NOL4: variants seen among roughly 807,000 people sequenced by gnomAD.
The protein encoded by NOL4 is nucleolar protein 4.
A neutral mutation model predicts 75.9 loss-of-function variants in NOL4; 17 were observed. That is an observed-to-expected ratio of 0.22 (90% CI 0.15 to 0.34). NOL4 has a LOEUF of 0.34. Among genes scored for constraint, NOL4 ranks in the 10% least tolerant of loss-of-function variants. NOL4 has a pLI of 1.00. For missense variants in NOL4, 614 were observed against 793.5 expected, an observed-to-expected ratio of 0.77 and a Z score of 2.72; for synonymous variants, 292 against 289.9, an observed-to-expected ratio of 1.01 and a Z score of -0.07.
At chr18:33,857,007 T>C (rs1043350423) in intron 10 of NOL4, among the ~76,000 whole-genome samples, 1 of 152,056 alleles carries the variant, frequency 6.6e-6, no homozygotes, top group Non-Finnish European at 1.5e-5. Context: ...AAAATGTCTT[T>C]TTATAAATTT....
At chr18:34,024,614 C>T (rs766286280) in intron 5 of NOL4, among the ~76,000 whole-genome samples, 23 of 151,980 alleles carry the variant, frequency 1.5e-4, no homozygotes, top group Non-Finnish European at 3.1e-4. Flanking sequence ...CTAGGCCATA[C>T]CTTAAATCTT....
Position 34,186,376 on chromosome 18 carries a change from A to G in NOL4, c.264+36614T>C, listed in dbSNP as rs150221774. Among the ~76,000 whole-genome samples the G allele has an allele frequency of 1.6e-3, 240 of 152,326 alleles. 1 individual carries two copies. The highest frequency in any genetic ancestry group is 5.5e-3 in the African/African-American group (228 of 41,582). ...TAGGACCCTGTGTAATTACTAAAGT[A>G]TAATGTAATACAATTTAGAACTAGG... On this transcript the variant is annotated intron_variant, in intron 1 of 10. Coordinates refer to ENST00000261592, the MANE Select transcript of NOL4 (RefSeq NM_003787.5).
At position 34,061,653 on chromosome 18, in the gene NOL4, CTGGTGGAGTAATAACTCCTAAA is replaced by C. The variant is rs568752566; in HGVS notation, c.772+31790_772+31811del. On this transcript the variant is annotated intron_variant, in intron 5 of 10. Coordinates refer to ENST00000261592, the MANE Select transcript of NOL4 (RefSeq NM_003787.5). ...CCTTGTTGTTTTCATTAATTCCACACTGGTGGAGTAATAACTCCTAAATGGTGGAGTAATAACTCCTAAGAAC... is the reference window on the plus strand; with the variant it reads ...CCTTGTTGTTTTCATTAATTCCACACTGGTGGAGTAATAACTCCTAAGAAC... 1.9e-4 allele frequency among the ~76,000 whole-genome samples: 29 copies of C among 152,248 alleles called. 1 individual carries two copies. In the South Asian group the frequency reaches 3.5e-3, roughly 18 times the overall value.
In NOL4 at chr18:33,948,704, T is replaced by G. The variant is rs1475888955; in HGVS notation, c.1429-5526A>C. On this transcript the variant is annotated intron_variant, in intron 8 of 10. Coordinates refer to ENST00000261592, the MANE Select transcript of NOL4 (RefSeq NM_003787.5). ...TTATGGAGTAGTTTTTAGAAGTCCA[T>G]GAGAAATGTGCATAAAGTCACTAGC... Among the ~76,000 whole-genome samples the G allele has an allele frequency of 2.0e-5, 3 of 152,154 alleles. No homozygotes were observed. In the East Asian group the frequency reaches 5.8e-4, roughly 29 times the overall value.
chr18:34,172,808 C>T (rs536235988), intron 1 of NOL4, among the ~76,000 whole-genome samples: 23 of 152,072 alleles, frequency 1.5e-4, no homozygotes, highest in African/African-American at 4.3e-4. Context: ...GCCATATTTA[C>T]GTCTTATTTG....
intron 1 of NOL4, among the ~76,000 whole-genome samples, chr18:34,131,073 G>GAC (rs35968611): frequency 0.46 from 67,249 of 145,226 alleles, 15,547 homozygotes; most frequent in Non-Finnish European, 0.54. Context: ...CACATACACC[G>GAC]ACACACACAC....
intron 9 of NOL4, among the ~76,000 whole-genome samples, chr18:33,911,897 A>G (rs994932907): frequency 6.6e-6 from 1 of 152,072 alleles, no homozygotes; most frequent in Admixed American, 6.6e-5. Flanking sequence ...TGTTTCTGGT[A>G]TCCTGAGTTT....
chr18:34,101,815 A>G (rs1377022323), intron 4 of NOL4, among the ~76,000 whole-genome samples: 4 of 152,030 alleles, frequency 2.6e-5, no homozygotes, highest in Non-Finnish European at 4.4e-5. Context: ...GTTAAAATAT[A>G]AATCAGATCA....
At chr18:34,201,334 A>C (rs1183279549) in intron 1 of NOL4, among the ~76,000 whole-genome samples, 3 of 151,842 alleles carry the variant, frequency 2.0e-5, no homozygotes, top group African/African-American at 7.2e-5. Flanking sequence ...TGAGGCACAG[A>C]GACATTAAGT....
intron 10 of NOL4, among the ~76,000 whole-genome samples, chr18:33,877,437 TAAA>T (rs35251455): frequency 2.8e-5 from 3 of 106,218 alleles, no homozygotes; most frequent in Admixed American, 1.0e-4. Context: ...GACCTTGCCT[TAAA>T]AAAAAAAAAA....
At chr18:34,156,609 GT>G (rs2030437546) in intron 1 of NOL4, 1 of 152,204 alleles carries the variant, frequency 6.6e-6, no homozygotes, top group Admixed American at 6.5e-5. Flanking sequence ...ACAATAGTGA[GT>G]GATAAAGACA....
intron 5 of NOL4, among the ~76,000 whole-genome samples, chr18:34,020,340 T>A (rs1434501380): frequency 6.6e-6 from 1 of 152,176 alleles, no homozygotes; most frequent in Non-Finnish European, 1.5e-5. Flanking sequence ...TGTTTTTGTT[T>A]TTCCAGTGAG....
At chr18:34,208,050 T>C (rs761146083) in intron 1 of NOL4, among the ~76,000 whole-genome samples, 20 of 152,178 alleles carry the variant, frequency 1.3e-4, no homozygotes, top group Non-Finnish European at 2.8e-4. Flanking sequence ...AGAGCTTTTC[T>C]TCAAAATTTG....
intron 9 of NOL4, among the ~76,000 whole-genome samples, chr18:33,907,796 T>C (rs1160718509): frequency 6.6e-6 from 1 of 152,286 alleles, no homozygotes; most frequent in East Asian, 1.9e-4. Context: ...TCATGTCTGG[T>C]ACTTAACAAT....
intron 1 of NOL4, among the ~76,000 whole-genome samples, chr18:34,165,209 GT>G (rs2032174642): frequency 6.6e-6 from 1 of 151,192 alleles, no homozygotes; most frequent in Non-Finnish European, 1.5e-5. Flanking sequence ...CCTGCACATT[GT>G]GCACATGTAC....
At chr18:34,200,421 A>C (rs1045526028) in intron 1 of NOL4, among the ~76,000 whole-genome samples, 1 of 151,844 alleles carries the variant, frequency 6.6e-6, no homozygotes, top group African/African-American at 2.4e-5. Flanking sequence ...ATTCAATTTA[A>C]AAATCTTGAC....
chr18:34,160,878 C>T (rs28627506), intron 1 of NOL4, among the ~76,000 whole-genome samples: 3 of 152,134 alleles, frequency 2.0e-5, no homozygotes, highest in African/African-American at 7.2e-5. Flanking sequence ...TTGTTGCTAA[C>T]TATAGTCACC....
At chr18:33,899,778 G>C (rs2065640057) in intron 9 of NOL4, among the ~76,000 whole-genome samples, 1 of 152,156 alleles carries the variant, frequency 6.6e-6, no homozygotes, top group South Asian at 2.1e-4. Context: ...TCCTGTTGGA[G>C]AGGGGGAATA....
At chr18:34,030,931 T>TAA (rs61054244) in intron 5 of NOL4, among the ~76,000 whole-genome samples, 43 of 151,706 alleles carry the variant, frequency 2.8e-4, no homozygotes, top group African/African-American at 8.5e-4. Context: ...TCAAAATATG[T>TAA]AAAAAAATAG....
Sources: gnomAD v4.1 joint callset for allele counts (sites outside exome capture counted in the v4.1 genomes callset) on GRCh38, gnomAD v4.1.1 for gene constraint, MANE v1.5 for transcripts, NCBI Gene and HGNC (gene_info 2026-07-23, HGNC 2026-07-21) for gene names.